PORCN: variants seen among roughly 807,000 people sequenced by gnomAD.
PORCN encodes porcupine O-acyltransferase.
In PORCN, 1 loss-of-function variant was observed where a neutral mutation model predicts 43.0. That is an observed-to-expected ratio of 0.02 (90% CI 0.01 to 0.11). The LOEUF is 0.11. Among genes scored for constraint, PORCN ranks in the 10% least tolerant of loss-of-function variants. The pLI is 1.00. For synonymous variants in PORCN, 148 were observed against 166.4 expected (o/e 0.89, Z 0.85); for missense variants, 240 against 392.1 (o/e 0.61, Z 3.28).
At chrX:48,514,694 T>C (rs1602076356) in intron 10 of PORCN, 69 bp downstream of exon 10, 1 of 885,853 alleles carries the variant, frequency 1.1e-6, no homozygotes, top group East Asian at 3.1e-5. Flanking sequence ...ATACAACATT[T>C]ACTGAGCACC....
chrX:48,512,894 C>G, intron 7 of PORCN, 42 bp downstream of exon 7: 1 of 1,204,753 alleles, frequency 8.3e-7, no homozygotes, highest in Non-Finnish European at 1.1e-6. Context: ...GTGGGGCTGA[C>G]ATGAGTGGGG....
chrX:48,518,035 A>C (rs2147142612), intron 14 of PORCN, among the ~76,000 whole-genome samples: 1 of 107,853 alleles, frequency 9.3e-6, no homozygotes, highest in Admixed American at 1.0e-4. Flanking sequence ...CAACCTCCTG[A>C]GTAGCTGGGA....
rs781942022 is a variant in PORCN, at chrX:48,512,844, C to G, written c.696C>G (p.Arg232=). 2 of 1,212,292 alleles carry G rather than the reference C, an allele frequency of 1.6e-6. No individual in the cohort carries two copies. The highest frequency in any genetic ancestry group is 2.2e-6 in the Non-Finnish European group (2 of 895,603). The change falls in exon 7 of 15, where the codon CGC becomes CGG. Residue 232 remains arginine (R), a synonymous_variant. Transcript: ENST00000326194. ...NGDRLLRNKK[R]KARGTMVRWL... is the part of the protein sequence containing the mutation. ...TCTTCTGTTACTACAGCAAGAAACG[C>G]AAAGCCAGGTAAATGAGGGCAGGTG...
At chrX:48,509,722 G>A in intron 1 of PORCN, 62 bp from the exon 2 acceptor site, 1 of 1,167,195 alleles carries the variant, frequency 8.6e-7, no homozygotes, top group Non-Finnish European at 1.1e-6. Context: ...GTGCCAGAGT[G>A]CATCCTTTAA....
intron 14 of PORCN, 75 bp from the exon 15 acceptor site, chrX:48,520,300 T>C: frequency 1.2e-6 from 1 of 830,023 alleles, no homozygotes; most frequent in Non-Finnish European, 1.8e-6. Flanking sequence ...GAAATGTCCT[T>C]GGGCAAAGGA....
chrX:48,520,209 A>G (rs1417046653), intron 14 of PORCN, among the ~76,000 whole-genome samples, 166 bp from the exon 15 acceptor site: 1 of 111,997 alleles, frequency 8.9e-6, no homozygotes, highest in Admixed American at 9.5e-5. Flanking sequence ...ATGATTTTTA[A>G]AGAAGAAGAC....
At position 48,512,593 on chromosome X, in the gene PORCN, G is replaced by T; in HGVS notation, c.560G>T (p.Cys187Phe). The T allele has an allele frequency of 1.7e-6, 2 of 1,210,868 alleles. No individual in the cohort carries two copies. The highest frequency in any genetic ancestry group is 2.2e-6 in the Non-Finnish European group (2 of 895,064). Residue 187 changes from cysteine (C) to phenylalanine (F), a missense_variant, in exon 6 of 15, where the codon TGC (cysteine) becomes TTC (phenylalanine). Coordinates refer to ENST00000326194, the MANE Select transcript of PORCN (RefSeq NM_203475.3). Reference sequence around the variant, plus strand: ...TGGAGTGCTTGATCCCTACAGAGCTGCCGGTGGCTGCAGAAGGTGGCCCGG... The same window carrying T: ...TGGAGTGCTTGATCCCTACAGAGCTTCCGGTGGCTGCAGAAGGTGGCCCGG... ...LQAVQGRPLS[C>F]RWLQKVARSL...
In PORCN at chrX:48,511,287, A is replaced by G. The variant is rs782771820; in HGVS notation, c.137-8A>G. 6.7e-6 allele frequency: 8 copies of G among 1,194,884 alleles called. No individual in the cohort carries two copies. The South Asian group carries it at 1.1e-4, about 16-fold the overall frequency. On this transcript the variant is annotated splice_polypyrimidine_tract_variant and splice_region_variant and intron_variant, in intron 2 of 14. Transcript: ENST00000326194. ...CTCTCTCCCTTTCTTTCTCCCTTTCACCCAAAGGGTTGCCATCCTACCTGA... is the reference window on the plus strand; with the variant it reads ...CTCTCTCCCTTTCTTTCTCCCTTTCGCCCAAAGGGTTGCCATCCTACCTGA...
chrX:48,514,759 G>A (rs1445832506), intron 10 of PORCN, 134 bp downstream of exon 10: 14 of 537,819 alleles, frequency 2.6e-5, no homozygotes, highest in Non-Finnish European at 4.6e-5. Context: ...AGTTCTCCTG[G>A]GGGGGCAGAT....
chrX:48,520,149 AT>A (rs1352197712), intron 14 of PORCN, among the ~76,000 whole-genome samples: 18 of 111,961 alleles, frequency 1.6e-4, no homozygotes, highest in Non-Finnish European at 3.8e-5. Context: ...GGAGCTCTTT[AT>A]ATATTAGGGA....
At chrX:48,514,018 G>A in intron 7 of PORCN, 109 bp from the exon 8 acceptor site, 2 of 929,788 alleles carry the variant, frequency 2.2e-6, no homozygotes, top group Non-Finnish European at 3.0e-6. Flanking sequence ...CACCTTTTTT[G>A]TGGCTACATT....
chrX:48,514,264 T>C lies in PORCN; in HGVS notation c.744T>C (p.Ala248=), dbSNP rs782663149. Residue 248 remains alanine, a synonymous_variant, in exon 9 of 15, where the codon GCT becomes GCC. Coordinates refer to ENST00000326194, the MANE Select transcript of PORCN (RefSeq NM_203475.3). ...MVRWLRAYES[A]VSFHFSNYFV... is the part of the protein sequence containing the mutation. ...GGTGGCTGCGAGCCTACGAGAGTGCTGTCTCCTTCCACTTCAGCAACTATT... is the reference window on the plus strand; with the variant it reads ...GGTGGCTGCGAGCCTACGAGAGTGCCGTCTCCTTCCACTTCAGCAACTATT... The C allele has an allele frequency of 4.9e-6, 6 of 1,212,136 alleles. No individual in the cohort carries two copies. The highest frequency in any genetic ancestry group is 6.7e-6 in the Non-Finnish European group (6 of 895,569).
intron 7 of PORCN, among the ~76,000 whole-genome samples, chrX:48,513,863 C>T (rs1170858581): frequency 8.9e-6 from 1 of 112,321 alleles, no homozygotes; most frequent in Non-Finnish European, 1.9e-5. Context: ...TCTGTGAAGT[C>T]GGGCCTCTGA....
At position 48,512,872 on chromosome X, in the gene PORCN, A is replaced by G; in HGVS notation, c.704+20A>G. ...AGCCAGGTAAATGAGGGCAGGTGTG[A>G]GGGCACGTGGAGTGGGGCTGACATG... On this transcript the variant is annotated intron_variant, in intron 7 of 14. Transcript: ENST00000326194. 1 of 1,211,475 alleles carries G rather than the reference A, an allele frequency of 8.3e-7. No homozygotes were observed. Among genetic ancestry groups the G allele is most frequent in the South Asian group, 1.8e-5 (1 of 57,017 alleles).
chrX:48,516,375 G>A, intron 13 of PORCN: 1 of 449,612 alleles, frequency 2.2e-6, no homozygotes, highest in Middle Eastern at 6.1e-4. Flanking sequence ...TCCGTTGAGT[G>A]CCTGTTGGTG....
Position 48,515,908 on chromosome X carries a change from G to A in PORCN, c.1042G>A (p.Ala348Thr). The A allele has an allele frequency of 8.3e-7, 1 of 1,211,391 alleles. No homozygotes were observed. Among genetic ancestry groups the A allele is most frequent in the Non-Finnish European group, 1.1e-6 (1 of 895,357 alleles). Residue 348 changes from alanine (A) to threonine (T), a missense_variant, in exon 12 of 15, where the codon GCT becomes ACT. Transcript: ENST00000326194. ...CCCCCAGGGCTTCAGTTTCCACCTG[G>A]CTGCGGTCCTGCTGTCCCTGGCTTT... ...ALLHGFSFHL[A>T]AVLLSLAFIT...
At chrX:48,519,783 G>A (rs1194789547) in intron 14 of PORCN, among the ~76,000 whole-genome samples, 1 of 112,233 alleles carries the variant, frequency 8.9e-6, no homozygotes, top group Non-Finnish European at 1.9e-5. Flanking sequence ...ATCACTTGAG[G>A]TCAGGAGTTC....
chrX:48,516,295 C>T (rs781830515), intron 13 of PORCN, 149 bp downstream of exon 13: 32 of 544,728 alleles, frequency 5.9e-5, no homozygotes, highest in Middle Eastern at 4.8e-4. Context: ...CGCTGGCATC[C>T]GTTTCCCTAA....
intron 2 of PORCN, among the ~76,000 whole-genome samples, chrX:48,510,196 G>A (rs1556973588): frequency 9.0e-6 from 1 of 111,191 alleles, no homozygotes; most frequent in Non-Finnish European, 1.9e-5. Context: ...GCCATGCCAA[G>A]CCATGCCCTT....
Sources: gnomAD v4.1 joint callset for allele counts (sites outside exome capture counted in the v4.1 genomes callset) on GRCh38, gnomAD v4.1.1 for gene constraint, MANE v1.5 for transcripts, NCBI Gene and HGNC (gene_info 2026-07-23, HGNC 2026-07-21) for gene names.